RPS6KA2: variants seen among roughly 807,000 people sequenced by gnomAD.
RPS6KA2 encodes the protein ribosomal protein S6 kinase A2.
In RPS6KA2, 42 loss-of-function variants were observed where a neutral mutation model predicts 91.8. That is an observed-to-expected ratio of 0.46 (90% CI 0.36 to 0.59). The LOEUF (loss-of-function observed/expected upper bound fraction) is 0.59, where lower values mean the gene tolerates loss of function less well. Ranked by LOEUF, RPS6KA2 falls within the 20% of genes least tolerant of loss-of-function variation. RPS6KA2 has a pLI of 0.00. For missense variants in RPS6KA2, 798 were observed against 978.5 expected (o/e 0.82, Z 2.46); for synonymous variants, 414 against 393.6 (o/e 1.05, Z -0.61).
intron 2 of RPS6KA2, among the ~76,000 whole-genome samples, chr6:166,789,808 T>C (rs1327240973): frequency 6.6e-6 from 1 of 152,222 alleles, no homozygotes; most frequent in Non-Finnish European, 1.5e-5. Context: ...GGGTCCTGTC[T>C]GTTAGAAGGA....
At chr6:166,703,850 G>C (rs1159328866) in intron 2 of RPS6KA2, among the ~76,000 whole-genome samples, 1 of 151,500 alleles carries the variant, frequency 6.6e-6, no homozygotes, top group Non-Finnish European at 1.5e-5. Context: ...TTCCACTCAA[G>C]AAAAAAACAA....
chr6:166,751,369 A>G (rs1429093933), intron 2 of RPS6KA2, among the ~76,000 whole-genome samples: 1 of 152,254 alleles, frequency 6.6e-6, no homozygotes, highest in Admixed American at 6.5e-5. Context: ...GCACAGTCAC[A>G]GGAGGGCTTC....
rs1047841584 is a variant in RPS6KA2, at chr6:166,732,656, T to C, written c.123+125544A>G. On this transcript the variant is annotated intron_variant, in intron 2 of 21. Coordinates refer to the RPS6KA2 transcript ENST00000503859. The surrounding 1 kb of genome is among the most constrained non-coding windows in gnomAD (Gnocchi z 4.0). ...AAGGAGCCGCCTTTGCAGGGATTGC[T>C]GTCTAGGGGATGGAAGCGCAAAGAA... Among the ~76,000 whole-genome samples the C allele has an allele frequency of 6.6e-6, 1 of 152,184 alleles. No homozygotes were observed. Among genetic ancestry groups the C allele is most frequent in the Non-Finnish European group, 1.5e-5 (1 of 68,024 alleles).
rs186449652 is a variant in RPS6KA2 at position 166,624,801 on chromosome 6, G to A, written c.99+2120C>T. ...AAGTATCAAATAATAGAAAGCTGGG[G>A]AATGCATTTGTAAAAAAGAGAGCAT... On this transcript the variant is annotated intron_variant, in intron 1 of 20. Transcript: ENST00000265678. Among the ~76,000 whole-genome samples, 956 of 152,142 alleles carry A rather than the reference G, an allele frequency of 6.3e-3. 6 individuals are homozygous for A. The highest frequency in any genetic ancestry group is 8.8e-3 in the Non-Finnish European group (597 of 68,006).
chr6:166,604,545 C>A (rs764644652), intron 1 of RPS6KA2, among the ~76,000 whole-genome samples: 11 of 152,192 alleles, frequency 7.2e-5, no homozygotes, highest in Non-Finnish European at 5.9e-5. Context: ...CCATCCCCAG[C>A]TGGGGGAGGT....
chr6:166,854,583 G>C (rs955933488), intron 2 of RPS6KA2, among the ~76,000 whole-genome samples: 4 of 152,190 alleles, frequency 2.6e-5, no homozygotes, highest in African/African-American at 4.8e-5. Context: ...TGACTTGAAT[G>C]ATTTTTTTCC....
Position 166,550,748 on chromosome 6 carries a change from A to G in RPS6KA2, c.100-11964T>C, listed in dbSNP as rs550887249. On this transcript the variant is annotated intron_variant, in intron 1 of 20. Transcript: ENST00000265678. ...TTGGGCGCGATGGCTCACGCCTGTAATCCCAGCACTTTGGGAGGCCAAGGC... is the reference window on the plus strand; with the variant it reads ...TTGGGCGCGATGGCTCACGCCTGTAGTCCCAGCACTTTGGGAGGCCAAGGC... 3.4e-3 allele frequency among the ~76,000 whole-genome samples: 521 copies of G among 152,232 alleles called. 1 individual carries two copies. Among genetic ancestry groups the G allele is most frequent in the Middle Eastern group, 6.8e-3 (2 of 294 alleles).
In RPS6KA2 at chr6:166,423,216, C is replaced by T. The variant is rs200059197; in HGVS notation, c.1743+40G>A. ...TGGGAGGGGGCAGAGCCTGTCTTTGCGGATAGAGAGGCCTGGGTCTGCAGT... is the reference window on the plus strand; with the variant it reads ...TGGGAGGGGGCAGAGCCTGTCTTTGTGGATAGAGAGGCCTGGGTCTGCAGT... On this transcript the variant is annotated intron_variant, in intron 17 of 20. Coordinates refer to ENST00000265678, the MANE Select transcript of RPS6KA2 (RefSeq NM_021135.6). This position sits in a 1 kb window ranked among gnomAD's most constrained non-coding sequence, Gnocchi z 4.8. 55 of 1,572,258 alleles carry T rather than the reference C, an allele frequency of 3.5e-5. 1 individual carries two copies. The highest frequency in any genetic ancestry group is 1.8e-4 in the East Asian group (8 of 43,948).
intron 2 of RPS6KA2, among the ~76,000 whole-genome samples, chr6:166,722,405 G>A (rs996262127): frequency 6.6e-6 from 1 of 152,228 alleles, no homozygotes; most frequent in Non-Finnish European, 1.5e-5. Context: ...GGGGTGGGAG[G>A]CACAGAGGGC....
chr6:166,742,767 A>G (rs1790852675), intron 2 of RPS6KA2, among the ~76,000 whole-genome samples: 1 of 152,184 alleles, frequency 6.6e-6, no homozygotes. Context: ...CTTAGTTCCA[A>G]GCTAGCAGGG....
At chr6:166,492,155 T>C (rs1781609031) in intron 8 of RPS6KA2, among the ~76,000 whole-genome samples, 1 of 152,104 alleles carries the variant, frequency 6.6e-6, no homozygotes, top group African/African-American at 2.4e-5. Flanking sequence ...GAAAACAACA[T>C]TATAAAAGAA....
At chr6:166,689,315 A>G (rs1789125910) in intron 2 of RPS6KA2, among the ~76,000 whole-genome samples, 1 of 152,270 alleles carries the variant, frequency 6.6e-6, no homozygotes, top group South Asian at 2.1e-4. Context: ...GGATGAAGGT[A>G]GCATCCCAAG....
At chr6:166,498,136 G>A (rs967285718) in intron 8 of RPS6KA2, among the ~76,000 whole-genome samples, 14 of 152,220 alleles carry the variant, frequency 9.2e-5, no homozygotes, top group Non-Finnish European at 2.9e-5. Context: ...GCCTAACTCC[G>A]TGTACATCTC....
intron 2 of RPS6KA2, among the ~76,000 whole-genome samples, chr6:166,839,702 G>C (rs1202111362): frequency 1.2e-3 from 120 of 102,234 alleles, no homozygotes; most frequent in African/African-American, 2.3e-3. Context: ...GGGGAGGAGA[G>C]GAGAGGAGAG....
chr6:166,556,273 G>A (rs992164003), intron 1 of RPS6KA2, among the ~76,000 whole-genome samples: 1 of 152,106 alleles, frequency 6.6e-6, no homozygotes, highest in African/African-American at 2.4e-5. Context: ...TCACCCACTG[G>A]GTGCAAATTC....
At chr6:166,760,141 T>C (rs684772) in intron 2 of RPS6KA2, among the ~76,000 whole-genome samples, 1 of 152,022 alleles carries the variant, frequency 6.6e-6, no homozygotes, top group Non-Finnish European at 1.5e-5. Context: ...AACCTATTCA[T>C]TCGGTTGGCA....
chr6:166,730,211 T>C (rs1233918322), intron 2 of RPS6KA2, among the ~76,000 whole-genome samples: 2 of 152,256 alleles, frequency 1.3e-5, no homozygotes, highest in Non-Finnish European at 2.9e-5. Flanking sequence ...TTTGAATCTT[T>C]TGATATCTTT....
At chr6:166,581,560 A>T (rs1340404383) in intron 1 of RPS6KA2, among the ~76,000 whole-genome samples, 4 of 152,188 alleles carry the variant, frequency 2.6e-5, no homozygotes, top group Admixed American at 6.5e-5. Flanking sequence ...GGCCACCGAG[A>T]GGCCGGCTTC....
At chr6:166,492,951 G>GT (rs1781657426) in intron 8 of RPS6KA2, among the ~76,000 whole-genome samples, 1 of 149,046 alleles carries the variant, frequency 6.7e-6, no homozygotes, top group East Asian at 2.0e-4. Flanking sequence ...AGGCTGAACT[G>GT]GAACTCCTGA....
Sources: gnomAD v4.1 joint callset for allele counts (sites outside exome capture counted in the v4.1 genomes callset) on GRCh38, gnomAD v4.1.1 for gene constraint, Gnocchi (gnomAD v3.1) non-coding constraint, MANE v1.5 for transcripts, NCBI Gene and HGNC (gene_info 2026-07-23, HGNC 2026-07-21) for gene names.